FRMPD1: variants seen among roughly 807,000 people sequenced by gnomAD.
The protein encoded by FRMPD1 is FERM and PDZ domain-containing protein 1.
Under a neutral mutation model 117.8 loss-of-function variants are expected in FRMPD1, and 76 were observed. The observed-to-expected ratio is 0.65, with a 90% CI of 0.54 to 0.78. FRMPD1 has a LOEUF of 0.78. Ranked by LOEUF, FRMPD1 falls within the 30% of genes least tolerant of loss-of-function variation. FRMPD1 has a pLI of 0.00. For synonymous variants in FRMPD1, 783 were observed against 770.4 expected (o/e 1.02, Z -0.27); for missense variants, 1,786 against 1,964.5 (o/e 0.91, Z 1.72).
rs1221408653 is a variant in FRMPD1, at chr9:37,744,947, C to G, written c.2915C>G (p.Ser972Cys). 3.1e-6 allele frequency: 5 copies of G among 1,614,208 alleles called. No individual in the cohort carries two copies. The highest frequency in any genetic ancestry group is 1.7e-5 in the Admixed American group (1 of 60,034). Residue 972 changes from serine to cysteine, a missense_variant, in exon 16 of 16, where the codon TCT becomes TGT. Ser to Cys is a moderately radical substitution (Grantham distance 112, BLOSUM62 -1). Transcript: ENST00000377765. ...TCCTCAGCAAGCACTCCTCACTGTTCTAACCCAGGTTCATCTGGCCCAGAT... is the reference window on the plus strand; with the variant it reads ...TCCTCAGCAAGCACTCCTCACTGTTGTAACCCAGGTTCATCTGGCCCAGAT... ...ASSSASTPHC[S>C]NPGSSGPDTA...
Position 37,721,280 on chromosome 9 carries a change from T to A in FRMPD1, c.516+2104T>A, listed in dbSNP as rs75326027. On this transcript the variant is annotated intron_variant, in intron 6 of 15. Coordinates refer to ENST00000377765, the MANE Select transcript of FRMPD1 (RefSeq NM_014907.3). ...AGTAAGAGTTCATCCCTGTGACCTG[T>A]CTATTCATCCTTTCAAGTGTTTCAA... Among the ~76,000 whole-genome samples the A allele has an allele frequency of 8.1e-3, 1,230 of 152,342 alleles. 8 individuals are homozygous for A. The highest frequency in any genetic ancestry group is 0.013 in the Non-Finnish European group (883 of 68,030).
intron 6 of FRMPD1, among the ~76,000 whole-genome samples, chr9:37,722,645 A>G (rs1389188727): frequency 1.3e-5 from 2 of 152,206 alleles, no homozygotes; most frequent in Admixed American, 1.3e-4. Context: ...TATAGAGATG[A>G]GTGCAGGGGG....
At position 37,655,885 on chromosome 9, in the gene FRMPD1, C is replaced by T. The variant is rs116504586; in HGVS notation, c.-5+4791C>T. ...CCCTCTGTCTAGCATGTGCTTTAGC[C>T]TTGGTGGTCCTGCCTATGCCTGAAG... On this transcript the variant is annotated intron_variant, in intron 1 of 15. Transcript: ENST00000377765. Among the ~76,000 whole-genome samples, 363 of 152,214 alleles carry T rather than the reference C, an allele frequency of 2.4e-3. 1 individual carries two copies. Among genetic ancestry groups the T allele is most frequent in the African/African-American group, 8.4e-3 (350 of 41,546 alleles).
intron 5 of FRMPD1, among the ~76,000 whole-genome samples, chr9:37,713,545 G>A (rs1458590050): frequency 6.6e-6 from 1 of 151,836 alleles, no homozygotes; most frequent in Admixed American, 6.6e-5. Flanking sequence ...AGCTGAGATC[G>A]CACCACTGCA....
chr9:37,743,926 G>T (rs75997397), intron 15 of FRMPD1, among the ~76,000 whole-genome samples: 26,042 of 150,844 alleles, frequency 0.17, 2,290 homozygotes, highest in Admixed American at 0.21. Context: ...TCGGCCAGGC[G>T]CGGTGGCTCA....
intron 1 of FRMPD1, among the ~76,000 whole-genome samples, chr9:37,689,193 G>A (rs1469442477): frequency 6.6e-6 from 1 of 151,942 alleles, no homozygotes; most frequent in Non-Finnish European, 1.5e-5. Context: ...TTAGCTCTTA[G>A]GCTACTGCAC....
At chr9:37,636,576 C>T in the FRMPD1 span, 53 of 785,562 alleles carry the variant, frequency 6.7e-5, no homozygotes, top group Middle Eastern at 9.6e-4. Flanking sequence ...CCAGGACACC[C>T]CAAAGCCACA....
chr9:37,719,319 A>C lies in FRMPD1; in HGVS notation c.516+143A>C, dbSNP rs1001364680. 3 of 633,988 alleles carry C rather than the reference A, an allele frequency of 4.7e-6. No individual in the cohort carries two copies. In the Admixed American group the frequency reaches 6.6e-5, roughly 14 times the overall value. 39.3% of individuals were successfully genotyped at this position (633,988 alleles called of 1,614,324 possible). On this transcript the variant is annotated intron_variant, in intron 6 of 15. Coordinates refer to ENST00000377765, the MANE Select transcript of FRMPD1 (RefSeq NM_014907.3). ...TGCAAGAGGCTTTGTGCGCCCTCCC[A>C]GTCAGATGCCTGCAGACCCTGGACT...
At chr9:37,623,893 T>C in the FRMPD1 span, among the ~76,000 whole-genome samples, 1 of 152,244 alleles carries the variant, frequency 6.6e-6, no homozygotes, top group East Asian at 1.9e-4. Flanking sequence ...AATCAATGAA[T>C]TTATGACTGT....
intron 15 of FRMPD1, among the ~76,000 whole-genome samples, chr9:37,743,505 G>C (rs970007544): frequency 1.1e-4 from 14 of 129,326 alleles, no homozygotes; most frequent in Non-Finnish European, 3.2e-5. Context: ...ATTGTGGTTG[G>C]AAAGAATGGC....
chr9:37,736,858 A>T (rs1040091008), intron 13 of FRMPD1, among the ~76,000 whole-genome samples: 5 of 148,102 alleles, frequency 3.4e-5, no homozygotes, highest in African/African-American at 7.5e-5. Context: ...AGTGCGTGAG[A>T]GTGTGTGTGT....
chr9:37,646,465 T>A (rs1400062423), upstream of FRMPD1, among the ~76,000 whole-genome samples: 1 of 152,234 alleles, frequency 6.6e-6, no homozygotes, highest in Non-Finnish European at 1.5e-5. Context: ...GGCAGAGCAC[T>A]CCTAGAGCTC....
At chr9:37,717,820 A>C (rs1823217353) in intron 5 of FRMPD1, among the ~76,000 whole-genome samples, 1 of 152,092 alleles carries the variant, frequency 6.6e-6, no homozygotes, top group Non-Finnish European at 1.5e-5. Flanking sequence ...GATGATACCA[A>C]CTGTTACATA....
In FRMPD1 at chr9:37,745,024, G is replaced by T; in HGVS notation, c.2992G>T (p.Gly998Trp). 1.2e-6 allele frequency: 2 copies of T among 1,614,150 alleles called. No individual in the cohort carries two copies. The highest frequency in any genetic ancestry group is 1.7e-6 in the Non-Finnish European group (2 of 1,180,026). Residue 998 changes from glycine to tryptophan, a missense_variant, in exon 16 of 16, where the codon GGG becomes TGG. Transcript: ENST00000377765. ...CTTACCTCTATCTCAAGACCTGGAT[G>T]GGATTGCCCCCAAAGAACCAACCAT... ...QILPLSQDLDGIAPKEPTIEH... is the reference protein window; with the variant it reads ...QILPLSQDLDWIAPKEPTIEH...
At chr9:37,671,686 G>A (rs1042018205) in intron 1 of FRMPD1, among the ~76,000 whole-genome samples, 13 of 152,138 alleles carry the variant, frequency 8.5e-5, no homozygotes, top group Non-Finnish European at 4.4e-5. Context: ...CTAATTGGGG[G>A]CTGGCACAGT....
At chr9:37,734,813 A>G (rs1246672972) in intron 12 of FRMPD1, among the ~76,000 whole-genome samples, 1 of 152,128 alleles carries the variant, frequency 6.6e-6, no homozygotes, top group East Asian at 1.9e-4. Flanking sequence ...TGGGAAAGAG[A>G]CTAGATCACA....
intron 6 of FRMPD1, among the ~76,000 whole-genome samples, chr9:37,720,012 A>G (rs1823322533): frequency 6.6e-6 from 1 of 152,174 alleles, no homozygotes; most frequent in Non-Finnish European, 1.5e-5. Context: ...TCTTCTCACC[A>G]TAGAGACCAG....
chr9:37,662,366 G>C (rs757537389), intron 1 of FRMPD1, among the ~76,000 whole-genome samples: 1 of 152,140 alleles, frequency 6.6e-6, no homozygotes, highest in African/African-American at 2.4e-5. Context: ...ATGAACTTTG[G>C]GGGGTACATT....
In FRMPD1 at chr9:37,746,270, CCACCCCTGCCAG is replaced by C; in HGVS notation, c.4247_4258del (p.Ala1416_Pro1419del). 1 of 1,612,744 alleles carries C rather than the reference CCACCCCTGCCAG, an allele frequency of 6.2e-7. No individual in the cohort carries two copies. Among genetic ancestry groups the C allele is most frequent in the South Asian group, 1.1e-5 (1 of 91,066 alleles). ...TCCAGGGCACTGAGACAGCTGAAAGCCACCCCTGCCAGCACCCCTGAGGGCTTCATCCAACTC... is the reference window on the plus strand; with the variant it reads ...TCCAGGGCACTGAGACAGCTGAAAGCCACCCCTGAGGGCTTCATCCAACTC... On this transcript the variant is annotated inframe_deletion, in exon 16 of 16. Transcript: ENST00000377765.
Sources: gnomAD v4.1 joint callset for allele counts (sites outside exome capture counted in the v4.1 genomes callset) on GRCh38, gnomAD v4.1.1 for gene constraint, MANE v1.5 for transcripts, NCBI Gene and HGNC (gene_info 2026-07-23, HGNC 2026-07-21) for gene names.